The following SETD3 variants were observed in gnomAD, a reference collection of about 807,000 sequenced individuals.
SETD3 encodes the protein SET domain containing 3, actin N3(tau)-histidine methyltransferase, also known as actin-histidine N-methyltransferase.
SETD3 carries 19 observed loss-of-function variants against 63.0 expected under a neutral mutation model. The observed-to-expected ratio is 0.30, with a 90% confidence interval of 0.21 to 0.44. The LOEUF is 0.44. Among genes scored for constraint, SETD3 ranks in the 20% least tolerant of loss-of-function variants. SETD3 has a pLI of 1.00. For missense variants in SETD3, 587 were observed against 728.5 expected (o/e 0.81, Z 2.24); for synonymous variants, 286 against 264.1 (o/e 1.08, Z -0.80).
intron 1 of SETD3, among the ~76,000 whole-genome samples, chr14:99,471,883 G>A (rs1037126067): frequency 1.3e-5 from 2 of 152,100 alleles, no homozygotes; most frequent in African/African-American, 2.4e-5. Flanking sequence ...ACGAGCATCC[G>A]CCCATGACCT....
chr14:99,458,444 G>A lies in SETD3; in HGVS notation c.510C>T (p.Ser170=). 1 of 1,614,184 alleles carries A rather than the reference G, an allele frequency of 6.2e-7. No homozygotes were observed. Residue 170 remains serine, a synonymous_variant, in exon 6 of 13, where the codon TCC becomes TCT. Transcript: ENST00000331768. ...HLLCERASPN[S]FWQPYIQTLP... ...GGGTTTGAATATAGGGCTGCCAGAA[G>A]GAGTTAGGGCTGGCTCGCTCACACA... is the stretch of plus-strand genomic sequence containing the variant.
chr14:99,431,319 C>T (rs369359177), intron 6 of SETD3, among the ~76,000 whole-genome samples: 1 of 152,314 alleles, frequency 6.6e-6, no homozygotes, highest in East Asian at 1.9e-4. Flanking sequence ...CATGGAGAAA[C>T]TGTGGCCAAG....
chr14:99,410,261 G>A (rs746502564), intron 8 of SETD3: 26 of 1,612,772 alleles, frequency 1.6e-5, no homozygotes, highest in Admixed American at 1.0e-4. Flanking sequence ...CTGTGTGCAC[G>A]GAGGGTGTGG....
intron 6 of SETD3, among the ~76,000 whole-genome samples, chr14:99,453,929 T>C (rs1181153877): frequency 3.9e-5 from 6 of 152,186 alleles, no homozygotes; most frequent in African/African-American, 1.4e-4. Context: ...TTTCTTCTTC[T>C]GAAAAAGAAC....
intron 3 of SETD3, among the ~76,000 whole-genome samples, chr14:99,461,616 C>T (rs1000656440): frequency 6.6e-6 from 1 of 152,170 alleles, no homozygotes; most frequent in Non-Finnish European, 1.5e-5. Flanking sequence ...TTAGGTAATA[C>T]GATGGCAAAG....
intron 6 of SETD3, among the ~76,000 whole-genome samples, chr14:99,456,347 T>C (rs1466367525): frequency 3.3e-5 from 5 of 152,326 alleles, no homozygotes; most frequent in Middle Eastern, 3.4e-3. Context: ...TTTGATTACC[T>C]GGTAATTTCA....
chr14:99,401,762 A>G (rs1891400487), intron 11 of SETD3, among the ~76,000 whole-genome samples: 1 of 152,130 alleles, frequency 6.6e-6, no homozygotes, highest in South Asian at 2.1e-4. Flanking sequence ...TTCTTTTCAA[A>G]GGCCCCCAGT....
intron 6 of SETD3, among the ~76,000 whole-genome samples, chr14:99,453,345 C>T (rs188251665): frequency 4.1e-4 from 63 of 152,262 alleles, no homozygotes; most frequent in African/African-American, 1.4e-3. Flanking sequence ...ACTAGAAAAA[C>T]AGCTAGACTC....
At position 99,405,187 on chromosome 14, in the gene SETD3, C is replaced by T. The variant is rs1452376836; in HGVS notation, c.1091+18G>A. 8.1e-6 allele frequency: 13 copies of T among 1,604,334 alleles called. No homozygotes were observed. The highest frequency in any genetic ancestry group is 2.7e-5 in the African/African-American group (2 of 74,404). On this transcript the variant is annotated intron_variant, in intron 10 of 12. Transcript: ENST00000331768. ...TCAAGTACTGCAAGAAAGGGCCAAC[C>T]GATGTTTTTCTACGTACGTGGGGAT...
Position 99,397,957 on chromosome 14 carries a change from TAGG to T in SETD3, c.*719_*721del, listed in dbSNP as rs1029063918. 84 of 152,640 alleles carry T rather than the reference TAGG, an allele frequency of 5.5e-4. No individual in the cohort carries two copies. The highest frequency in any genetic ancestry group is 1.9e-3 in the African/African-American group (77 of 41,510). The allele number at this position is 152,640 out of a possible 1,614,324, so 9.5% of individuals were successfully genotyped here. A position where few individuals can be genotyped will look rare whatever the true frequency, so the allele number is the denominator to read the frequency against. On this transcript the variant is annotated 3_prime_UTR_variant, in exon 13 of 13. Coordinates refer to ENST00000331768, the MANE Select transcript of SETD3 (RefSeq NM_032233.3). ...TAAAATCAGAGCCAACATTTAAAAT[TAGG>T]AGGATGATGCATGTCCTACTTTGAT...
intron 6 of SETD3, 70 bp downstream of exon 6, chr14:99,458,209 T>C: frequency 1.3e-6 from 2 of 1,501,578 alleles, no homozygotes; most frequent in Non-Finnish European, 1.8e-6. Context: ...AAATGGAATA[T>C]TTATGGACTC....
chr14:99,465,379 C>T (rs752832108), intron 2 of SETD3, among the ~76,000 whole-genome samples: 1 of 152,166 alleles, frequency 6.6e-6, no homozygotes, highest in African/African-American at 2.4e-5. Context: ...AGTAATCTGC[C>T]GAGCGGCACA....
chr14:99,410,286 C>A, intron 8 of SETD3: 1 of 1,609,576 alleles, frequency 6.2e-7, no homozygotes, highest in Non-Finnish European at 8.5e-7. Context: ...ACAGGTTGTT[C>A]GGAGAGACTT....
At position 99,461,234 on chromosome 14, in the gene SETD3, G is replaced by C; in HGVS notation, c.303C>G (p.Phe101Leu). The C allele has an allele frequency of 6.2e-7, 1 of 1,614,138 alleles. No individual in the cohort carries two copies. Among genetic ancestry groups the C allele is most frequent in the Non-Finnish European group, 8.5e-7 (1 of 1,180,036 alleles). The change falls in exon 4 of 13, where the codon TTC becomes TTG. Residue 101 changes from phenylalanine to leucine, a missense_variant. Phe to Leu is a conservative substitution (Grantham distance 22). Transcript: ENST00000331768. ...CTCTCAAACCAAAGCCCTCTTCTTT[G>C]AAGTTAACCATTTCAAAACCCTCGA... ...ASVEGFEMVN[F>L]KEEGFGLRAT...
chr14:99,449,166 T>C (rs1219059996), intron 6 of SETD3, among the ~76,000 whole-genome samples: 1 of 152,150 alleles, frequency 6.6e-6, no homozygotes, highest in Non-Finnish European at 1.5e-5. Flanking sequence ...TCCCAATGAA[T>C]GCATGTAGAA....
At chr14:99,403,299 G>A (rs1018076616) in intron 11 of SETD3, among the ~76,000 whole-genome samples, 8 of 152,112 alleles carry the variant, frequency 5.3e-5, no homozygotes, top group Admixed American at 2.6e-4. Flanking sequence ...TGCTTCCTCC[G>A]ACCAAGGAAG....
intron 6 of SETD3, among the ~76,000 whole-genome samples, chr14:99,452,833 C>G (rs1894534078): frequency 6.6e-6 from 1 of 152,212 alleles, no homozygotes; most frequent in African/African-American, 2.4e-5. Flanking sequence ...ACCTCCGAGC[C>G]AGCAGGCAGA....
At chr14:99,420,292 CCT>C (rs1892516609) in intron 6 of SETD3, among the ~76,000 whole-genome samples, 1 of 152,180 alleles carries the variant, frequency 6.6e-6, no homozygotes. Flanking sequence ...TCTTTGACCC[CCT>C]GTGAGTCCCC....
At chr14:99,466,916 C>T (rs1895416560) in intron 1 of SETD3, among the ~76,000 whole-genome samples, 1 of 152,232 alleles carries the variant, frequency 6.6e-6, no homozygotes. Context: ...CAGTCAGTTA[C>T]ACTTTATCTC....
Sources: gnomAD v4.1 joint callset for allele counts (sites outside exome capture counted in the v4.1 genomes callset) on GRCh38, gnomAD v4.1.1 for gene constraint, MANE v1.5 for transcripts, NCBI Gene and HGNC (gene_info 2026-07-23, HGNC 2026-07-21) for gene names.